CCDC85C: variants seen among roughly 807,000 people sequenced by gnomAD.
The protein encoded by CCDC85C is coiled-coil domain-containing protein 85C.
In CCDC85C, 18 loss-of-function variants were observed where a neutral mutation model predicts 38.3. The ratio of observed to expected loss-of-function variants is 0.47; its 90% CI spans 0.33 to 0.70. CCDC85C has a LOEUF of 0.70. Ranked by LOEUF, CCDC85C falls within the 30% of genes least tolerant of loss-of-function variation. The pLI, the probability that CCDC85C is intolerant of heterozygous loss-of-function variation, is 0.03. For synonymous variants in CCDC85C, 264 were observed against 293.8 expected (o/e 0.90, Z 1.04); for missense variants, 566 against 621.2 (o/e 0.91, Z 0.94).
At chr14:99,534,872 A>T (rs1225866465) in intron 2 of CCDC85C, 1 of 614,418 alleles carries the variant, frequency 1.6e-6, no homozygotes, top group African/African-American at 1.8e-5. Context: ...CAGCCTTGCC[A>T]TTCAGAGCTT....
Position 99,503,056 on chromosome 14 carries a change from A to T in CCDC85C, c.*12190T>A. 6.6e-7 allele frequency: 1 copy of T among 1,519,474 alleles called. No homozygotes were observed. The highest frequency in any genetic ancestry group is 9.1e-7 in the Non-Finnish European group (1 of 1,094,720). 94.1% of individuals were successfully genotyped at this position (1,519,474 alleles called of 1,614,324 possible). ...GCGGCAACACCTGAGCACTGTTCCC[A>T]TTTCTAAGCGAGCACAGGGAACACC... is the stretch of plus-strand genomic sequence containing the variant. On this transcript the variant is annotated 3_prime_UTR_variant, in exon 6 of 6. Coordinates refer to ENST00000380243, the MANE Select transcript of CCDC85C (RefSeq NM_001144995.2).
Position 99,501,946 on chromosome 14 carries a change from A to G in CCDC85C, c.*13300T>C, listed in dbSNP as rs1276497757. On this transcript the variant is annotated 3_prime_UTR_variant, in exon 6 of 6. Coordinates refer to ENST00000380243, the MANE Select transcript of CCDC85C (RefSeq NM_001144995.2). ...TTCAACAGTTTAAATAACATAAGTCATTTTCATTGGTGTAGCAATTTTTGG... is the reference window on the plus strand; with the variant it reads ...TTCAACAGTTTAAATAACATAAGTCGTTTTCATTGGTGTAGCAATTTTTGG... The G allele has an allele frequency of 6.2e-6, 2 of 323,788 alleles. No homozygotes were observed. The highest frequency in any genetic ancestry group is 2.2e-5 in the African/African-American group (1 of 45,880). The allele number at this position is 323,788 out of a possible 1,614,324, so 20.1% of individuals were successfully genotyped here.
chr14:99,579,918 C>A, intron 1 of CCDC85C: 1 of 344,754 alleles, frequency 2.9e-6, no homozygotes, highest in Non-Finnish European at 5.8e-6. Flanking sequence ...ACCCTGCCCA[C>A]CCCCGTCTGG....
rs80141450 is a variant in CCDC85C at position 99,539,820 on chromosome 14, G to A, written c.794-3732C>T. Among the ~76,000 whole-genome samples, 408 of 152,208 alleles carry A rather than the reference G, an allele frequency of 2.7e-3. 1 individual carries two copies. The highest frequency in any genetic ancestry group is 8.8e-3 in the African/African-American group (366 of 41,520). ...GTTTCTTGTTAATTTTCAAATAATC[G>A]ACTTGTAGTCTAGTTCTGAAATCCT... On this transcript the variant is annotated intron_variant, in intron 1 of 5. Coordinates refer to ENST00000380243, the MANE Select transcript of CCDC85C (RefSeq NM_001144995.2).
In CCDC85C at chr14:99,502,129, T is replaced by C. The variant is rs566196761; in HGVS notation, c.*13117A>G. 1 of 1,419,612 alleles carries C rather than the reference T, an allele frequency of 7.0e-7. No individual in the cohort carries two copies. Among genetic ancestry groups the C allele is most frequent in the African/African-American group, 1.4e-5 (1 of 68,996 alleles). 87.9% of individuals were successfully genotyped at this position (1,419,612 alleles called of 1,614,324 possible). Reference sequence around the variant, plus strand: ...GGAGAATAAGCAAATTAATGGTTAGTTATGGCATCTCCATGCACTGGTTTA... The same window carrying C: ...GGAGAATAAGCAAATTAATGGTTAGCTATGGCATCTCCATGCACTGGTTTA... On this transcript the variant is annotated 3_prime_UTR_variant, in exon 6 of 6. Coordinates refer to ENST00000380243, the MANE Select transcript of CCDC85C (RefSeq NM_001144995.2).
intron 1 of CCDC85C, among the ~76,000 whole-genome samples, chr14:99,561,054 G>A (rs1376790604): frequency 6.6e-6 from 1 of 152,306 alleles, no homozygotes; most frequent in East Asian, 1.9e-4. Flanking sequence ...TTTGCAGAGA[G>A]GGCTCTGCTG....
At chr14:99,594,291 G>A (rs1294984084) in intron 1 of CCDC85C, among the ~76,000 whole-genome samples, 5 of 152,224 alleles carry the variant, frequency 3.3e-5, no homozygotes, top group African/African-American at 9.6e-5. Flanking sequence ...GAAGCTCAGT[G>A]TTCTCCTCTT....
chr14:99,603,188 T>A lies in CCDC85C; in HGVS notation c.772A>T (p.Ser258Cys). 7.1e-7 allele frequency: 1 copy of A among 1,415,254 alleles called. No individual in the cohort carries two copies. The highest frequency in any genetic ancestry group is 9.2e-7 in the Non-Finnish European group (1 of 1,086,712). 87.7% of individuals were successfully genotyped at this position (1,415,254 alleles called of 1,614,324 possible). A position where few individuals can be genotyped will look rare whatever the true frequency, so the allele number is the denominator to read the frequency against. Residue 258 changes from serine (S) to cysteine (C), a missense_variant, in exon 1 of 6, where the codon AGC (serine) becomes TGC (cysteine). Ser to Cys is a moderately radical substitution (Grantham distance 112, BLOSUM62 -1). Around this residue, in one of 3 missense-constraint regions of CCDC85C, gnomAD observed 286 missense variants for 276.4 expected, o/e 1.03. Coordinates refer to ENST00000380243, the MANE Select transcript of CCDC85C (RefSeq NM_001144995.2). The surrounding 1 kb of genome is among the most constrained non-coding windows in gnomAD (Gnocchi z 7.5). ...TTACCGTGCAGGCCGTTGGGGATGC[T>A]GCGGTGGTGCGGCGGCGCCGACAAG... ...DDLSAPPHHR[S>C]IPNGLHDPSS...
At chr14:99,518,995 A>C (rs1897267822) in intron 3 of CCDC85C, among the ~76,000 whole-genome samples, 1 of 150,596 alleles carries the variant, frequency 6.6e-6, no homozygotes. Context: ...CTCGGGCCAC[A>C]CACACCTCCC....
rs1426582205 is a variant in CCDC85C, at chr14:99,603,394, G to C, written c.566C>G (p.Pro189Arg). 2 of 1,250,842 alleles carry C rather than the reference G, an allele frequency of 1.6e-6. No individual in the cohort carries two copies. The highest frequency in any genetic ancestry group is 3.0e-5 in the South Asian group (1 of 33,430). The allele number at this position is 1,250,842 out of a possible 1,614,324, so 77.5% of individuals were successfully genotyped here. A position where few individuals can be genotyped will look rare whatever the true frequency, so the allele number is the denominator to read the frequency against. The change falls in exon 1 of 6, where the codon CCG becomes CGG. Residue 189 changes from proline to arginine, a missense_variant. Transcript: ENST00000380243. The surrounding 1 kb of genome is among the most constrained non-coding windows in gnomAD (Gnocchi z 7.5). ...SIDSQASLSG[P>R]LSGGAPGAGA... ...CGCGCCGGGCGCGCCACCCGACAGC[G>C]GCCCGCTCAGGCTGGCCTGGCTGTC...
In CCDC85C at chr14:99,515,132, TCAC is replaced by T; in HGVS notation, c.*111_*113del. On this transcript the variant is annotated 3_prime_UTR_variant, in exon 6 of 6. Transcript: ENST00000380243. ...GGGCGGGCAGCGTCCTATGTACAGT[TCAC>T]CACAGAGGAAGAAGACAGGGGCTGG... 1.3e-6 allele frequency: 1 copy of T among 757,354 alleles called. No individual in the cohort carries two copies. Among genetic ancestry groups the T allele is most frequent in the Non-Finnish European group, 2.2e-6 (1 of 463,610 alleles). 46.9% of individuals were successfully genotyped at this position (757,354 alleles called of 1,614,324 possible).
intron 1 of CCDC85C, among the ~76,000 whole-genome samples, chr14:99,590,723 G>C (rs1453325879): frequency 6.6e-6 from 1 of 152,244 alleles, no homozygotes; most frequent in Non-Finnish European, 1.5e-5. Context: ...CCTAGCAGGG[G>C]ACAGGTTGGG....
chr14:99,597,260 C>A (rs987395133), intron 1 of CCDC85C, among the ~76,000 whole-genome samples: 44 of 152,200 alleles, frequency 2.9e-4, no homozygotes, highest in African/African-American at 1.0e-3. Flanking sequence ...TCAGTGAAGT[C>A]CGCAGACGCT....
At position 99,502,670 on chromosome 14, in the gene CCDC85C, T is replaced by G; in HGVS notation, c.*12576A>C. 6.4e-7 allele frequency: 1 copy of G among 1,563,886 alleles called. No homozygotes were observed. Among genetic ancestry groups the G allele is most frequent in the Non-Finnish European group, 8.8e-7 (1 of 1,136,746 alleles). Reference sequence around the variant, plus strand: ...CTGATTCTTTATCCAGGTAAAATTTTATTTAAAATACCAATTTGTGTAAAA... The same window carrying G: ...CTGATTCTTTATCCAGGTAAAATTTGATTTAAAATACCAATTTGTGTAAAA... On this transcript the variant is annotated 3_prime_UTR_variant, in exon 6 of 6. Coordinates refer to ENST00000380243, the MANE Select transcript of CCDC85C (RefSeq NM_001144995.2).
chr14:99,541,033 C>T (rs1897702500), intron 1 of CCDC85C, among the ~76,000 whole-genome samples: 1 of 152,186 alleles, frequency 6.6e-6, no homozygotes, highest in African/African-American at 2.4e-5. Flanking sequence ...GTCACCTCCA[C>T]CTCCCCTCCA....
rs1010974555 is a variant in CCDC85C at position 99,507,701 on chromosome 14, C to G, written c.*7545G>C. On this transcript the variant is annotated 3_prime_UTR_variant, in exon 6 of 6. Transcript: ENST00000380243. Reference sequence around the variant, plus strand: ...CAGTTTTAGGAAAGAAAGCCAAACCCCGCCTTCTGAGATAGAGGCAGGGTT... The same window carrying G: ...CAGTTTTAGGAAAGAAAGCCAAACCGCGCCTTCTGAGATAGAGGCAGGGTT... 9 of 154,096 alleles carry G rather than the reference C, an allele frequency of 5.8e-5. No individual in the cohort carries two copies. Among genetic ancestry groups the G allele is most frequent in the African/African-American group, 1.7e-4 (7 of 41,438 alleles). 9.5% of individuals were successfully genotyped at this position (154,096 alleles called of 1,614,324 possible). A position where few individuals can be genotyped will look rare whatever the true frequency, so the allele number is the denominator to read the frequency against.
chr14:99,579,981 G>A, intron 1 of CCDC85C: 1 of 452,506 alleles, frequency 2.2e-6, no homozygotes, highest in South Asian at 1.6e-5. Context: ...AATCACCTCA[G>A]CAGCGGACCA....
chr14:99,565,375 C>T (rs1217965262), intron 1 of CCDC85C, among the ~76,000 whole-genome samples: 1 of 152,206 alleles, frequency 6.6e-6, no homozygotes, highest in Non-Finnish European at 1.5e-5. Context: ...GCATGCAATG[C>T]CTGGCACAAT....
intron 2 of CCDC85C, among the ~76,000 whole-genome samples, chr14:99,531,583 T>TGGG (rs544106430): frequency 1.1e-5 from 1 of 90,702 alleles, no homozygotes; most frequent in African/African-American, 3.7e-5. Context: ...AGGCCATGGG[T>TGGG]GGGGGGGGGG....
Sources: gnomAD v4.1 joint callset for allele counts (sites outside exome capture counted in the v4.1 genomes callset) on GRCh38, gnomAD v4.1.1 for gene constraint, gnomAD v4.1.1 regional missense constraint, Gnocchi (gnomAD v3.1) non-coding constraint, MANE v1.5 for transcripts, NCBI Gene and HGNC (gene_info 2026-07-23, HGNC 2026-07-21) for gene names.